MIB1: variants seen among roughly 807,000 people sequenced by gnomAD.
The protein encoded by MIB1 is MIB E3 ubiquitin protein ligase 1.
MIB1 carries 278 observed loss-of-function variants against 124.5 expected under a neutral mutation model. That is an observed-to-expected ratio of 2.23 (90% CI 2.02 to 2.47). The LOEUF (loss-of-function observed/expected upper bound fraction) is 2.47, where lower values mean the gene tolerates loss of function less well. Ranked by LOEUF, MIB1 falls within the 30% of genes most tolerant of loss-of-function variation. MIB1 has a pLI of 0.00. For missense variants in MIB1, 957 were observed against 1,254.4 expected, an observed-to-expected ratio of 0.76 and a Z score of 3.58; for synonymous variants, 446 against 429.4, an observed-to-expected ratio of 1.04 and a Z score of -0.48.
chr18:21,749,843 T>A (rs906137881), intron 1 of MIB1, among the ~76,000 whole-genome samples: 7 of 152,002 alleles, frequency 4.6e-5, no homozygotes, highest in Admixed American at 4.6e-4. Flanking sequence ...TGTTTCCCCA[T>A]GTTGGTCAGG....
intron 12 of MIB1, among the ~76,000 whole-genome samples, chr18:21,834,816 A>G (rs1284965057): frequency 1.3e-5 from 2 of 152,214 alleles, no homozygotes; most frequent in East Asian, 1.9e-4. Flanking sequence ...GAACAGAGAA[A>G]GAACATTGAA....
At chr18:21,737,767 C>CA (rs1236527066), upstream of MIB1, among the ~76,000 whole-genome samples, 1 of 152,080 alleles carries the variant, frequency 6.6e-6, no homozygotes, top group African/African-American at 2.4e-5. Flanking sequence ...CAACAAAGAT[C>CA]AAAAGAGATA....
At chr18:21,846,870 C>CAT (rs1193475674) in intron 15 of MIB1, 74 bp from the exon 16 acceptor site, 30 of 1,404,326 alleles carry the variant, frequency 2.1e-5, no homozygotes, top group Non-Finnish European at 2.5e-5. Context: ...ACCACACACA[C>CAT]ATACATATAT....
intron 16 of MIB1, among the ~76,000 whole-genome samples, chr18:21,848,700 A>C (rs1877636884): frequency 6.6e-6 from 1 of 152,174 alleles, no homozygotes; most frequent in Non-Finnish European, 1.5e-5. Flanking sequence ...ATGTTCCTTA[A>C]GGATACACTT....
chr18:21,829,594 T>G (rs2041959831), intron 12 of MIB1: 3 of 151,788 alleles, frequency 2.0e-5, no homozygotes, highest in Non-Finnish European at 2.9e-5. Context: ...CCAGGATGAG[T>G]GTGGGTGAAT....
At chr18:21,794,271 AAG>A (rs2041548441) in intron 7 of MIB1, 1 of 122,892 alleles carries the variant, frequency 8.1e-6, no homozygotes, top group Non-Finnish European at 1.8e-5. Flanking sequence ...CATAATTAAA[AAG>A]AAGTGAAAAA....
intron 1 of MIB1, among the ~76,000 whole-genome samples, chr18:21,759,992 A>G (rs530412673): frequency 2.1e-3 from 320 of 152,352 alleles, no homozygotes; most frequent in African/African-American, 7.4e-3. Context: ...GCAAGATACC[A>G]TTAAAACTTA....
intron 15 of MIB1, among the ~76,000 whole-genome samples, chr18:21,846,656 T>A (rs1337577639): frequency 1.3e-5 from 2 of 152,178 alleles, no homozygotes; most frequent in East Asian, 1.9e-4. Flanking sequence ...TTGACTTGAT[T>A]TGTGTTATGT....
Position 21,819,485 on chromosome 18 carries a change from A to C in MIB1, c.1678-10A>C, listed in dbSNP as rs1555694067. On this transcript the variant is annotated splice_polypyrimidine_tract_variant and intron_variant, in intron 11 of 20. Coordinates refer to ENST00000261537, the MANE Select transcript of MIB1 (RefSeq NM_020774.4). ...TTGAAGAACTAATGAAAATTTCTTT[A>C]AACTTAAAGGATTCTGAAGGTGATA... The C allele has an allele frequency of 6.4e-7, 1 of 1,569,482 alleles. No individual in the cohort carries two copies. Among genetic ancestry groups the C allele is most frequent in the African/African-American group, 1.4e-5 (1 of 73,326 alleles).
At position 21,847,017 on chromosome 18, in the gene MIB1, A is replaced by G. The variant is rs766910290; in HGVS notation, c.2285A>G (p.Asn762Ser). The G allele has an allele frequency of 1.5e-5, 24 of 1,614,188 alleles. No homozygotes were observed. The highest frequency in any genetic ancestry group is 1.9e-5 in the Non-Finnish European group (23 of 1,180,020). ...TCTATTGCCTGTTTCTTGGCAGCCA[A>G]TGGTGCTGACCTGAGCATTCGAAAT... Reference protein sequence around the residue: ...AASIACFLAANGADLSIRNKK... With the variant: ...AASIACFLAASGADLSIRNKK... Residue 762 changes from asparagine to serine, a missense_variant, in exon 16 of 21, where the codon AAT becomes AGT. Asn to Ser is a conservative substitution (Grantham distance 46, BLOSUM62 1). Coordinates refer to ENST00000261537, the MANE Select transcript of MIB1 (RefSeq NM_020774.4).
intron 11 of MIB1, chr18:21,817,642 G>A (rs1201803056): frequency 7.1e-6 from 3 of 420,986 alleles, no homozygotes; most frequent in Non-Finnish European, 1.4e-5. Context: ...TAATATCCTG[G>A]GATATCATTT....
intron 1 of MIB1, among the ~76,000 whole-genome samples, chr18:21,749,410 CT>C (rs1467585414): frequency 6.6e-6 from 1 of 151,932 alleles, no homozygotes; most frequent in Non-Finnish European, 1.5e-5. Flanking sequence ...ATAGTGTTTT[CT>C]TTTTTGTCAT....
At chr18:21,708,580 C>T (rs28522516) in intron 1 of MIB1, among the ~76,000 whole-genome samples, 3,931 of 152,054 alleles carry the variant, frequency 0.026, 76 homozygotes, top group Middle Eastern at 0.044. Flanking sequence ...TGCTTGAACC[C>T]GGGAAGGCGG....
At chr18:21,827,518 A>G (rs1277791134) in intron 12 of MIB1, 1 of 152,060 alleles carries the variant, frequency 6.6e-6, no homozygotes, top group Non-Finnish European at 1.5e-5. Flanking sequence ...TTTTTATAGA[A>G]GAACCTCTAC....
At chr18:21,830,602 C>G (rs563238118) in intron 12 of MIB1, 92 of 152,170 alleles carry the variant, frequency 6.0e-4, no homozygotes, top group African/African-American at 2.2e-3. Flanking sequence ...AAGTACAGGC[C>G]TTATGGTGCT....
chr18:21,773,764 T>C (rs759276715), intron 4 of MIB1, 36 bp downstream of exon 4: 4 of 1,305,966 alleles, frequency 3.1e-6, no homozygotes, highest in Non-Finnish European at 2.1e-6. Context: ...TGAAAGAAAA[T>C]GTTGGATGGG....
intron 15 of MIB1, among the ~76,000 whole-genome samples, chr18:21,845,203 C>T (rs561334141): frequency 1.3e-5 from 2 of 152,012 alleles, no homozygotes; most frequent in Admixed American, 6.6e-5. Context: ...TTAGTGGAGA[C>T]GGGGTTTCAC....
In MIB1 at chr18:21,803,905, A is replaced by G. The variant is rs776215472; in HGVS notation, c.1372-2A>G. On this transcript the variant is annotated splice_acceptor_variant, in intron 9 of 20. Transcript: ENST00000261537. LOFTEE classifies it high-confidence loss of function. ...TTTCATTCTTTTTTTTAAAAAATGTAGGTAAATGGGCAATGTGCTGGCCAC... is the reference window on the plus strand; with the variant it reads ...TTTCATTCTTTTTTTTAAAAAATGTGGGTAAATGGGCAATGTGCTGGCCAC... The G allele has an allele frequency of 2.5e-6, 4 of 1,605,794 alleles. No individual in the cohort carries two copies. Among genetic ancestry groups the G allele is most frequent in the East Asian group, 2.2e-5 (1 of 44,788 alleles).
intron 7 of MIB1, chr18:21,794,245 G>A (rs949981010): frequency 6.6e-6 from 1 of 151,356 alleles, no homozygotes; most frequent in African/African-American, 2.4e-5. Context: ...CAGAAATTAG[G>A]TGATATAACT....
Sources: gnomAD v4.1 joint callset for allele counts (sites outside exome capture counted in the v4.1 genomes callset) on GRCh38, gnomAD v4.1.1 for gene constraint, MANE v1.5 for transcripts, NCBI Gene and HGNC (gene_info 2026-07-23, HGNC 2026-07-21) for gene names.